The following NOTCH1 variants were observed in gnomAD, a reference collection of about 807,000 sequenced individuals.
NOTCH1 encodes the protein notch receptor 1.
NOTCH1 carries 37 observed loss-of-function variants against 254.8 expected under a neutral mutation model. The ratio of observed to expected loss-of-function variants is 0.15; its 90% CI spans 0.11 to 0.19. The LOEUF (loss-of-function observed/expected upper bound fraction) is 0.19. Among genes scored for constraint, NOTCH1 ranks in the 10% least tolerant of loss-of-function variants. The probability of loss-of-function intolerance (pLI) is 1.00; values close to 1 mark genes in which losing one functional copy is unlikely to be tolerated. For missense variants in NOTCH1, 2,972 were observed against 3,708.6 expected, an observed-to-expected ratio of 0.80 and a Z score of 5.16; for synonymous variants, 1,731 against 1,618.1, an observed-to-expected ratio of 1.07 and a Z score of -1.68.
rs2133318092 is a variant in NOTCH1 at position 136,497,202 on chromosome 9, C to T, written c.6537G>A (p.Arg2179=). 1.9e-6 allele frequency: 3 copies of T among 1,612,828 alleles called. No homozygotes were observed. Among genetic ancestry groups the T allele is most frequent in the Non-Finnish European group, 2.5e-6 (3 of 1,179,976 alleles). Residue 2179 remains arginine, a synonymous_variant, in exon 34 of 34, where the codon CGG becomes CGA. Coordinates refer to ENST00000651671, the MANE Select transcript of NOTCH1 (RefSeq NM_017617.5). The part of the protein sequence containing the change: ...GSKEAKDLKA[R]RKKSQDGKGC... ...CCTTGCCGTCCTGGGACTTCTTCCT[C>T]CGTGCCTTGAGGTCCTTGGCCTCCT...
chr9:136,509,388 C>T (rs1395299956), intron 18 of NOTCH1, among the ~76,000 whole-genome samples: 25 of 152,324 alleles, frequency 1.6e-4, no homozygotes, highest in South Asian at 2.1e-4. Context: ...GAGGTAATTA[C>T]GTCAGAAACC....
In NOTCH1 at chr9:136,509,767, G is replaced by A. The variant is rs1380298048; in HGVS notation, c.2935C>T (p.His979Tyr). The A allele has an allele frequency of 1.1e-5, 17 of 1,613,060 alleles. No individual in the cohort carries two copies. The highest frequency in any genetic ancestry group is 1.4e-5 in the Non-Finnish European group (16 of 1,179,998). The change falls in exon 18 of 34, where the codon CAC (histidine) becomes TAC (tyrosine). Residue 979 changes from histidine (H) to tyrosine (Y), a missense_variant. His to Tyr is a moderately conservative substitution (Grantham distance 83, BLOSUM62 2). Coordinates refer to ENST00000651671, the MANE Select transcript of NOTCH1 (RefSeq NM_017617.5). ...CTCPAGFSGI[H>Y]CENNTPDCTE... ...CAGTCAGGCGTGTTGTTCTCACAGT[G>A]GATCCCGCTGAAGCCTGCGGGGCAG...
Position 136,511,344 on chromosome 9 carries a change from G to C in NOTCH1, c.2468-73C>G, listed in dbSNP as rs138370441. On this transcript the variant is annotated intron_variant, in intron 15 of 33. Transcript: ENST00000651671. ...TCTCCCAAATCGGCCACCGCCTGCT[G>C]GTCTTTCCGCCATCAGAGTGCCGTC... The C allele has an allele frequency of 8.8e-4, 1,343 of 1,525,038 alleles. 10 individuals carry two copies. In the African/African-American group the frequency reaches 0.016, roughly 18 times the overall value. 94.5% of individuals were successfully genotyped at this position (1,525,038 alleles called of 1,614,324 possible).
chr9:136,494,694 C>G lies in NOTCH1; in HGVS notation c.*1377G>C, dbSNP rs533263760. The G allele has an allele frequency of 5.6e-4, 223 of 398,732 alleles. No homozygotes were observed. The highest frequency in any genetic ancestry group is 1.1e-3 in the Admixed American group (24 of 22,738). The allele number at this position is 398,732 out of a possible 1,614,324, so 24.7% of individuals were successfully genotyped here. A position where few individuals can be genotyped will look rare whatever the true frequency, so the allele number is the denominator to read the frequency against. ...GCAGGCGGCACGGCAGCGGAGCGTC[C>G]CCAGTGCATGGGCGGCTAAGGCTCC... On this transcript the variant is annotated 3_prime_UTR_variant, in exon 34 of 34. Transcript: ENST00000651671.
chr9:136,510,628 A>C, intron 17 of NOTCH1, 25 bp downstream of exon 17: 3 of 1,596,534 alleles, frequency 1.9e-6, no homozygotes, highest in Non-Finnish European at 1.7e-6. Flanking sequence ...TTCCTGGAGG[A>C]GGCCAGAGCC....
Position 136,508,282 on chromosome 9 carries a change from A to C in NOTCH1, c.3275T>G (p.Leu1092Arg). ...GGACACGCTGGGCACGTCGCAGTAA[A>C]GGCCGGTCCAGCCGCTGGGGCACTC... is the stretch of plus-strand genomic sequence containing the variant. ...RCECPSGWTG[L>R]YCDVPSVSCE... Residue 1092 changes from leucine to arginine, a missense_variant, in exon 20 of 34, where the codon CTT (leucine) becomes CGT (arginine). This residue lies in a region of NOTCH1 where 1,343 missense variants were observed against 1,557.0 expected (regional missense o/e 0.86). Coordinates refer to ENST00000651671, the MANE Select transcript of NOTCH1 (RefSeq NM_017617.5). 1 of 1,612,856 alleles carries C rather than the reference A, an allele frequency of 6.2e-7. No homozygotes were observed. Among genetic ancestry groups the C allele is most frequent in the Non-Finnish European group, 8.5e-7 (1 of 1,179,972 alleles).
Position 136,516,120 on chromosome 9 carries a change from G to A in NOTCH1, c.1556-26C>T, listed in dbSNP as rs767636325. The stretch of plus-strand genomic sequence containing the variant: ...CTGGGGCCGGGGAGGGGAGGGGAGG[G>A]AGTCATGTGCAACAGCACTATGGCC... On this transcript the variant is annotated intron_variant, in intron 9 of 33. Coordinates refer to ENST00000651671, the MANE Select transcript of NOTCH1 (RefSeq NM_017617.5). The A allele has an allele frequency of 1.5e-5, 23 of 1,547,478 alleles. 1 individual carries two copies. In the South Asian group the frequency reaches 2.5e-4, roughly 16 times the overall value.
rs1372924410 is a variant in NOTCH1 at position 136,516,043 on chromosome 9, G to C, written c.1607C>G (p.Pro536Arg). 1 of 1,612,286 alleles carries C rather than the reference G, an allele frequency of 6.2e-7. No homozygotes were observed. The highest frequency in any genetic ancestry group is 2.2e-5 in the East Asian group (1 of 44,888). The change falls in exon 10 of 34, where the codon CCC (proline) becomes CGC (arginine). Residue 536 changes from proline to arginine, a missense_variant. Coordinates refer to ENST00000651671, the MANE Select transcript of NOTCH1 (RefSeq NM_017617.5). ...CAGGCACTTGGCACCATTCTTGCAG[G>C]GGGTGCTGGCACACTCGTCCACATC... ...QYDVDECAST[P>R]CKNGAKCLDG...
intron 2 of NOTCH1, among the ~76,000 whole-genome samples, chr9:136,538,490 G>A (rs962448617): frequency 1.3e-5 from 2 of 152,252 alleles, no homozygotes; most frequent in African/African-American, 2.4e-5. Context: ...ACAGCCCCTC[G>A]GAGCTCCGGG....
intron 2 of NOTCH1, among the ~76,000 whole-genome samples, chr9:136,526,302 G>A (rs1344510017): frequency 2.0e-5 from 3 of 152,256 alleles, no homozygotes; most frequent in South Asian, 2.1e-4. Context: ...CCCATTGTCA[G>A]GCGGGAGTTG....
At position 136,523,066 on chromosome 9, in the gene NOTCH1, G is replaced by A. The variant is rs575513935; in HGVS notation, c.526C>T (p.Arg176Trp). ...CPPSFHGPTC[R>W]QDVNECGQKP... ...TGGCCACACTCGTTGACATCCTGCCGGCAGGTGGGGCCATGGAAGCTGGGT... is the reference window on the plus strand; with the variant it reads ...TGGCCACACTCGTTGACATCCTGCCAGCAGGTGGGGCCATGGAAGCTGGGT... The change falls in exon 4 of 34, where the codon CGG becomes TGG. Residue 176 changes from arginine (R) to tryptophan (W), a missense_variant. Transcript: ENST00000651671. 1.4e-5 allele frequency: 22 copies of A among 1,580,808 alleles called. No individual in the cohort carries two copies. Among genetic ancestry groups the A allele is most frequent in the African/African-American group, 8.1e-5 (6 of 74,394 alleles).
Position 136,507,344 on chromosome 9 carries a change from G to A in NOTCH1, c.3604C>T (p.Pro1202Ser), listed in dbSNP as rs1554728268. The stretch of plus-strand genomic sequence containing the variant: ...GGGCAGGAGCACTTGTAGGTGTTGG[G>A]GAGGTCGAGGCAGGTGCCCCCGTTC... ...CQNGGTCLDL[P>S]NTYKCSCPRG... The change falls in exon 22 of 34, where the codon CCC (proline) becomes TCC (serine). Residue 1202 changes from proline to serine, a missense_variant. Physicochemically the swap from Pro to Ser is moderately conservative, Grantham distance 74. This residue lies in a region of NOTCH1 where 1,343 missense variants were observed against 1,557.0 expected (regional missense o/e 0.86). Coordinates refer to ENST00000651671, the MANE Select transcript of NOTCH1 (RefSeq NM_017617.5). 1 of 1,612,958 alleles carries A rather than the reference G, an allele frequency of 6.2e-7. No homozygotes were observed. The highest frequency in any genetic ancestry group is 8.5e-7 in the Non-Finnish European group (1 of 1,179,950).
chr9:136,507,030 C>G (rs540732418), intron 22 of NOTCH1, 57 bp from the exon 23 acceptor site: 1 of 1,576,610 alleles, frequency 6.3e-7, no homozygotes, highest in Non-Finnish European at 8.6e-7. Context: ...CCCTGCCGTG[C>G]CGCGTGTCCG....
intron 2 of NOTCH1, chr9:136,543,409 ACCCAGAGGAGGCATCACCCG>A (rs1241019005): frequency 8.8e-6 from 2 of 227,220 alleles, no homozygotes; most frequent in Admixed American, 5.7e-5. Context: ...GGCATCACGC[ACCCAGAGGAGGCATCACCCG>A]CCCAGGAGGT....
At chr9:136,539,810 G>A (rs1384153786) in intron 2 of NOTCH1, among the ~76,000 whole-genome samples, 4 of 152,170 alleles carry the variant, frequency 2.6e-5, no homozygotes, top group Non-Finnish European at 5.9e-5. Flanking sequence ...GTGACTCAAT[G>A]GAAAGAGCCA....
At chr9:136,518,401 G>T in intron 6 of NOTCH1, 109 bp from the exon 7 acceptor site, 1 of 1,435,466 alleles carries the variant, frequency 7.0e-7, no homozygotes, top group Non-Finnish European at 9.5e-7. Flanking sequence ...TGCCCGCCGT[G>T]ACCCCGTCGG....
rs2133347320 is a variant in NOTCH1 at position 136,508,292 on chromosome 9, A to T, written c.3265T>A (p.Trp1089Arg). The T allele has an allele frequency of 6.2e-7, 1 of 1,612,990 alleles. No individual in the cohort carries two copies. Among genetic ancestry groups the T allele is most frequent in the Non-Finnish European group, 8.5e-7 (1 of 1,179,986 alleles). ...TQYRCECPSG[W>R]TGLYCDVPSV... ...GGCACGTCGCAGTAAAGGCCGGTCC[A>T]GCCGCTGGGGCACTCGCAGCGGTAC... The change falls in exon 20 of 34, where the codon TGG becomes AGG. Residue 1089 changes from tryptophan to arginine, a missense_variant. By Grantham distance (101) the Trp-to-Arg change is moderately radical (BLOSUM62 -3). Coordinates refer to ENST00000651671, the MANE Select transcript of NOTCH1 (RefSeq NM_017617.5).
intron 2 of NOTCH1, among the ~76,000 whole-genome samples, chr9:136,530,461 C>T: frequency 6.6e-6 from 1 of 152,184 alleles, no homozygotes; most frequent in East Asian, 1.9e-4. Context: ...ATCTGACCGA[C>T]AGAAGGCCCG....
rs1340326048 is a variant in NOTCH1, at chr9:136,523,948, G to C, written c.172C>G (p.Gln58Glu). 2 of 1,569,510 alleles carry C rather than the reference G, an allele frequency of 1.3e-6. No homozygotes were observed. The highest frequency in any genetic ancestry group is 2.3e-5 in the South Asian group (2 of 86,550). The change falls in exon 3 of 34, where the codon CAG becomes GAG. Residue 58 changes from glutamine (Q) to glutamate (E), a missense_variant. Gln to Glu is a conservative substitution (Grantham distance 29). Coordinates refer to ENST00000651671, the MANE Select transcript of NOTCH1 (RefSeq NM_017617.5). The stretch of plus-strand genomic sequence containing the variant: ...GTGCTGAGGCACGGGTTGGGGTCCT[G>C]GCATCGCGGGCCCACGAAGGCCCCG... ...CGGAFVGPRC[Q>E]DPNPCLSTPC... is the part of the protein sequence containing the mutation.
Sources: gnomAD v4.1 joint callset for allele counts (sites outside exome capture counted in the v4.1 genomes callset) on GRCh38, gnomAD v4.1.1 for gene constraint, gnomAD v4.1.1 regional missense constraint, MANE v1.5 for transcripts, NCBI Gene and HGNC (gene_info 2026-07-23, HGNC 2026-07-21) for gene names.